The following CSMD2 variants were observed in gnomAD, a reference collection of about 807,000 sequenced individuals.
CSMD2 encodes CUB and Sushi multiple domains 2.
A neutral mutation model predicts 398.5 loss-of-function variants in CSMD2; 130 were observed. The ratio of observed to expected loss-of-function variants is 0.33; its 90% CI spans 0.28 to 0.38. The LOEUF (loss-of-function observed/expected upper bound fraction) is 0.38, where lower values mean the gene tolerates loss of function less well. Among genes scored for constraint, CSMD2 ranks in the 10% least tolerant of loss-of-function variants. The pLI is 1.00. For missense variants in CSMD2, 3,829 were observed against 4,764.9 expected (o/e 0.80, Z 5.78); for synonymous variants, 1,828 against 1,908.5 (o/e 0.96, Z 1.10).
chr1:33,891,115 C>T (rs1251174552), intron 5 of CSMD2, among the ~76,000 whole-genome samples: 1 of 151,162 alleles, frequency 6.6e-6, no homozygotes, highest in Non-Finnish European at 1.5e-5. Flanking sequence ...GAACAGCAAC[C>T]TAAAAAACGG....
intron 1 of CSMD2, among the ~76,000 whole-genome samples, chr1:34,155,085 T>A (rs1218189479): frequency 6.6e-6 from 1 of 152,096 alleles, no homozygotes; most frequent in Admixed American, 6.5e-5. Context: ...CTTATTGGGA[T>A]TGGGATAGCT....
chr1:33,616,016 G>A (rs1641361340), intron 39 of CSMD2, among the ~76,000 whole-genome samples: 1 of 152,226 alleles, frequency 6.6e-6, no homozygotes, highest in South Asian at 2.1e-4. Flanking sequence ...CTCCCCTGCA[G>A]GGCTGATCTG....
chr1:33,749,508 G>C lies in CSMD2; in HGVS notation c.1847-5902C>G, dbSNP rs72662089. The stretch of plus-strand genomic sequence containing the variant: ...TAAAGAAATAAAATAAGTGCAATTA[G>C]TGTTTATACTTAAAAAGTTACCAAA... On this transcript the variant is annotated intron_variant, in intron 13 of 70. Transcript: ENST00000373381. 5.6e-3 allele frequency among the ~76,000 whole-genome samples: 850 copies of C among 152,224 alleles called. 4 individuals carry two copies. Among genetic ancestry groups the C allele is most frequent in the Non-Finnish European group, 8.8e-3 (602 of 68,026 alleles).
At chr1:34,046,561 C>G (rs149315769) in intron 2 of CSMD2, among the ~76,000 whole-genome samples, 1 of 152,144 alleles carries the variant, frequency 6.6e-6, no homozygotes, top group Admixed American at 6.5e-5. Context: ...TTGGATCCAG[C>G]GTACCCCACA....
chr1:33,941,832 T>C (rs867062769), intron 3 of CSMD2, among the ~76,000 whole-genome samples: 2 of 151,892 alleles, frequency 1.3e-5, no homozygotes, highest in African/African-American at 4.8e-5. Flanking sequence ...ATTTATATTT[T>C]ATTATACATG....
chr1:33,651,871 T>C (rs1643772621), intron 28 of CSMD2, among the ~76,000 whole-genome samples: 1 of 152,014 alleles, frequency 6.6e-6, no homozygotes, highest in Admixed American at 6.5e-5. Context: ...GAGGCAGTTC[T>C]TTTGAAGAGC....
chr1:33,791,049 C>G (rs924381512), intron 11 of CSMD2, among the ~76,000 whole-genome samples: 1 of 151,358 alleles, frequency 6.6e-6, no homozygotes, highest in Non-Finnish European at 1.5e-5. Context: ...ATAGCATCAT[C>G]TCCAGGTAGG....
intron 39 of CSMD2, 128 bp downstream of exon 39, chr1:33,616,777 CT>C: frequency 1.5e-6 from 1 of 679,866 alleles, no homozygotes; most frequent in East Asian, 2.6e-5. Context: ...TTTAAAATGA[CT>C]GACTTGGAAC....
chr1:33,990,715 A>T (rs975741816), intron 3 of CSMD2, among the ~76,000 whole-genome samples: 1 of 152,204 alleles, frequency 6.6e-6, no homozygotes, highest in Admixed American at 6.5e-5. Flanking sequence ...CGTACCTTAC[A>T]TTCTTAAATC....
chr1:33,888,756 T>TTTTTTTTGTTG (rs1553244524), intron 5 of CSMD2, among the ~76,000 whole-genome samples: 2 of 148,822 alleles, frequency 1.3e-5, no homozygotes, highest in African/African-American at 5.0e-5. Flanking sequence ...TCAACTGATT[T>TTTTTTTTGTTG]TTGTTGTTGT....
At position 33,568,476 on chromosome 1, in the gene CSMD2, C is replaced by T. The variant is rs1659281955; in HGVS notation, c.8132-635G>A. 3.3e-5 allele frequency among the ~76,000 whole-genome samples: 5 copies of T among 152,296 alleles called. No homozygotes were observed. The South Asian group carries it at 1.0e-3, about 32-fold the overall frequency. ...TGCTGGGATTACAGGCGTGAGCCAC[C>T]ACACCTAGCCTGGGCATCTTGTTTT... is the stretch of plus-strand genomic sequence containing the variant. On this transcript the variant is annotated intron_variant, in intron 52 of 70. Transcript: ENST00000373381.
chr1:33,577,621 A>G (rs1638377215), intron 48 of CSMD2, 137 bp from the exon 49 acceptor site: 5 of 687,700 alleles, frequency 7.3e-6, no homozygotes, highest in Admixed American at 6.8e-5. Flanking sequence ...TGTTGAGGAA[A>G]GTCTGAATGG....
chr1:33,998,679 T>C (rs559966366), intron 3 of CSMD2, among the ~76,000 whole-genome samples: 11 of 152,318 alleles, frequency 7.2e-5, no homozygotes, highest in South Asian at 6.2e-4. Context: ...TTGTGTCTGG[T>C]ACATGGAGGA....
At chr1:34,128,242 C>T (rs1350921902) in intron 1 of CSMD2, among the ~76,000 whole-genome samples, 2 of 152,150 alleles carry the variant, frequency 1.3e-5, no homozygotes, top group Non-Finnish European at 2.9e-5. Context: ...TAGCCCCCAG[C>T]ACTGGAAGCT....
chr1:33,743,227 T>G, intron 14 of CSMD2, 53 bp downstream of exon 14: 1 of 1,483,690 alleles, frequency 6.7e-7, no homozygotes, highest in Non-Finnish European at 9.2e-7. Flanking sequence ...TCGATCATCC[T>G]CAGAGGCAGA....
Position 33,635,066 on chromosome 1 carries a change from T to A in CSMD2, c.5086+148A>T, listed in dbSNP as rs1481979061. The stretch of plus-strand genomic sequence containing the variant: ...TATTCTGCAGCCCGTTTGAGAAACG[T>A]CAGCACTCGGCCGTCCTTTTGGGGA... On this transcript the variant is annotated intron_variant, in intron 31 of 70. Transcript: ENST00000373381. The surrounding 1 kb of genome is among the most constrained non-coding windows in gnomAD (Gnocchi z 5.0). 1.7e-6 allele frequency: 1 copy of A among 586,428 alleles called. No individual in the cohort carries two copies. Among genetic ancestry groups the A allele is most frequent in the East Asian group, 3.1e-5 (1 of 32,746 alleles). 36.3% of individuals were successfully genotyped at this position (586,428 alleles called of 1,614,324 possible).
rs1653621648 is a variant in CSMD2, at chr1:33,514,767, G to GC, written c.*1856dup. On this transcript the variant is annotated 3_prime_UTR_variant, in exon 71 of 71. Transcript: ENST00000373381. ...GTCTGGATTGGCCCTCTCCCTCCAG[G>GC]CCCAGGGGGGTGCCGTGTCCCAGAG... 1.3e-5 allele frequency: 2 copies of GC among 152,160 alleles called. No homozygotes were observed. The highest frequency in any genetic ancestry group is 2.9e-5 in the Non-Finnish European group (2 of 68,120). 9.4% of individuals were successfully genotyped at this position (152,160 alleles called of 1,614,324 possible).
chr1:34,047,394 A>G (rs1315352818), intron 2 of CSMD2, among the ~76,000 whole-genome samples: 2 of 152,060 alleles, frequency 1.3e-5, no homozygotes, highest in African/African-American at 2.4e-5. Flanking sequence ...CGAGGCTTTG[A>G]TAACTATTCT....
At position 33,537,454 on chromosome 1, in the gene CSMD2, T is replaced by C; in HGVS notation, c.9787A>G (p.Thr3263Ala). Residue 3263 changes from threonine to alanine, a missense_variant, in exon 61 of 71, where the codon ACC (threonine) becomes GCC (alanine). Coordinates refer to ENST00000373381, the MANE Select transcript of CSMD2 (RefSeq NM_001281956.2). The surrounding 1 kb of genome is among the most constrained non-coding windows in gnomAD (Gnocchi z 4.6). ...FCQSDGTWSG[T>A]QPSCIDPTLT... ...CTCTCACCTATGCAGCTGGGCTGGG[T>C]GCCACTCCATGTCCCATCTGACTGG... 2 of 1,613,428 alleles carry C rather than the reference T, an allele frequency of 1.2e-6. No individual in the cohort carries two copies. The highest frequency in any genetic ancestry group is 1.7e-6 in the Non-Finnish European group (2 of 1,179,668).
Sources: allele counts gnomAD v4.1 joint callset (sites outside exome capture counted in the v4.1 genomes callset), GRCh38; gene constraint gnomAD v4.1.1; non-coding constraint Gnocchi (gnomAD v3.1); transcripts MANE v1.5; gene names NCBI Gene and HGNC (gene_info 2026-07-23, HGNC 2026-07-21).